Variants in C11orf65 observed in about 807,000 individuals in gnomAD.
The protein encoded by C11orf65 is protein MFI.
Under a neutral mutation model 35.3 loss-of-function variants are expected in C11orf65, and 38 were observed. That is an observed-to-expected ratio of 1.08 (90% CI 0.83 to 1.41). The LOEUF is 1.41. Ranked by LOEUF, C11orf65 falls within the 40% of genes most tolerant of loss-of-function variation. The pLI is 0.00. For missense variants in C11orf65, 370 were observed against 367.1 expected (o/e 1.01, Z -0.06); for synonymous variants, 105 against 114.4 (o/e 0.92, Z 0.53).
intron 2 of C11orf65, among the ~76,000 whole-genome samples, chr11:108,369,914 G>A (rs1287157863): frequency 6.6e-6 from 1 of 152,104 alleles, no homozygotes; most frequent in South Asian, 2.1e-4. Flanking sequence ...TTTCTCTGAT[G>A]AACTGCCTGT....
intron 7 of C11orf65, 137 bp downstream of exon 7, chr11:108,393,071 G>A (rs1256733724): frequency 1.1e-6 from 1 of 910,580 alleles, no homozygotes; most frequent in East Asian, 2.6e-5. Flanking sequence ...GTTCTTTCTA[G>A]ACAAATAATA....
chr11:108,309,026 T>G, exon 7 of C11orf65: 2 of 1,526,744 alleles, frequency 1.3e-6, no homozygotes, highest in Non-Finnish European at 1.8e-6. Flanking sequence ...AGATAAAAAT[T>G]CTTCATATTC....
chr11:108,362,332 C>T (rs1296143191), intron 2 of C11orf65, among the ~76,000 whole-genome samples: 9 of 151,360 alleles, frequency 5.9e-5, no homozygotes, highest in East Asian at 3.9e-4. Flanking sequence ...GAAATAGGAA[C>T]CCTTTTACAC....
At chr11:108,434,787 T>A (rs1225038825) in intron 2 of C11orf65, among the ~76,000 whole-genome samples, 1 of 152,242 alleles carries the variant, frequency 6.6e-6, no homozygotes, top group Non-Finnish European at 1.5e-5. Flanking sequence ...AAAAACCTTC[T>A]GTGTACTTTG....
intron 2 of C11orf65, among the ~76,000 whole-genome samples, chr11:108,373,972 GA>G (rs1452276443): frequency 2.0e-5 from 3 of 152,242 alleles, no homozygotes; most frequent in Non-Finnish European, 2.9e-5. Context: ...GAGGCTGGCG[GA>G]GGGGCACCCG....
At chr11:108,343,318 A>C (rs1193190422) in intron 2 of C11orf65, 2 of 1,614,090 alleles carry the variant, frequency 1.2e-6, no homozygotes, top group Middle Eastern at 1.7e-4. Flanking sequence ...TGGTGCTCAT[A>C]AAAGATACAG....
At chr11:108,369,329 G>C (rs2091478808) in intron 2 of C11orf65, among the ~76,000 whole-genome samples, 1 of 152,110 alleles carries the variant, frequency 6.6e-6, no homozygotes, top group Non-Finnish European at 1.5e-5. Context: ...GTGTTTCTTA[G>C]TCGCCTCCTG....
intron 2 of C11orf65, among the ~76,000 whole-genome samples, chr11:108,447,439 A>G (rs1487833851): frequency 3.3e-5 from 5 of 152,210 alleles, no homozygotes; most frequent in Non-Finnish European, 7.3e-5. Flanking sequence ...ACTGTCTCTC[A>G]GACCACAGTG....
intron 3 of C11orf65, among the ~76,000 whole-genome samples, chr11:108,417,217 A>C (rs1347032112): frequency 6.6e-6 from 1 of 152,160 alleles, no homozygotes; most frequent in Non-Finnish European, 1.5e-5. Flanking sequence ...AAAGACAAAG[A>C]GTATCCTACT....
chr11:108,408,026 T>TATTA (rs1248136075), intron 3 of C11orf65, among the ~76,000 whole-genome samples: 3 of 146,964 alleles, frequency 2.0e-5, no homozygotes, highest in Admixed American at 2.0e-4. Context: ...TTATTATTAT[T>TATTA]ATTTTATTAT....
At chr11:108,409,023 TA>T (rs1444868356) in intron 3 of C11orf65, among the ~76,000 whole-genome samples, 1 of 152,156 alleles carries the variant, frequency 6.6e-6, no homozygotes, top group Non-Finnish European at 1.5e-5. Context: ...TAATAATATA[TA>T]CACATTTTTT....
At chr11:108,328,846 G>T (rs753554239), downstream of C11orf65, among the ~76,000 whole-genome samples, 7 of 152,322 alleles carry the variant, frequency 4.6e-5, no homozygotes, top group Non-Finnish European at 8.8e-5. Flanking sequence ...AAGCCGTCCT[G>T]GGCCACATGC....
At chr11:108,344,947 G>A (rs1200272395) in intron 2 of C11orf65, among the ~76,000 whole-genome samples, 2 of 151,916 alleles carry the variant, frequency 1.3e-5, no homozygotes, top group East Asian at 3.9e-4. Context: ...AAATTGCAGT[G>A]AGCTGTGATC....
chr11:108,414,093 C>T (rs1259770115), intron 3 of C11orf65, among the ~76,000 whole-genome samples: 1 of 151,446 alleles, frequency 6.6e-6, no homozygotes, highest in East Asian at 1.9e-4. Flanking sequence ...AAATTGATAA[C>T]AAGAAATCTA....
Position 108,326,238 on chromosome 11 carries a change from T to G in C11orf65, c.641-17167A>C. ...CAGCTGTGCAGCGGTTTGTTTTTTT[T>G]ATTGGCTGGATTAGTGTTTTACTGT... On this transcript the variant is annotated intron_variant, in intron 6 of 6. Coordinates refer to the C11orf65 transcript ENST00000525729. 6.2e-7 allele frequency: 1 copy of G among 1,614,090 alleles called. No individual in the cohort carries two copies. The highest frequency in any genetic ancestry group is 8.5e-7 in the Non-Finnish European group (1 of 1,180,006).
intron 5 of C11orf65, 44 bp from the exon 6 acceptor site, chr11:108,405,603 A>T (rs755592293): frequency 6.3e-7 from 1 of 1,593,358 alleles, no homozygotes; most frequent in Admixed American, 1.7e-5. Context: ...TGAAATATCG[A>T]TTGTGAGGTT....
intron 6 of C11orf65, among the ~76,000 whole-genome samples, chr11:108,320,781 G>GT (rs1463748532): frequency 6.6e-6 from 1 of 152,160 alleles, no homozygotes; most frequent in Non-Finnish European, 1.5e-5. Flanking sequence ...ATTTGAAAAT[G>GT]TGAGTATTAC....
rs190023130 is a variant in C11orf65, at chr11:108,365,780, G to A, written c.226+27428C>T. On this transcript the variant is annotated intron_variant, in intron 2 of 3. Coordinates refer to the C11orf65 transcript ENST00000524755. The stretch of plus-strand genomic sequence containing the variant: ...TGTAATCCCAGCACTTTGGGAGGCC[G>A]AGGTGAGCGGATCACAAGGTCAGGA... 370 of 441,836 alleles carry A rather than the reference G, an allele frequency of 8.4e-4. 2 individuals are homozygous for A. In the East Asian group the frequency reaches 0.013, roughly 16 times the overall value. 27.4% of individuals were successfully genotyped at this position (441,836 alleles called of 1,614,324 possible).
intron 7 of C11orf65, 109 bp downstream of exon 7, chr11:108,393,099 T>C (rs2092205498): frequency 1.6e-6 from 2 of 1,254,636 alleles, no homozygotes; most frequent in Non-Finnish European, 1.1e-6. Flanking sequence ...GGGTTTTTTT[T>C]TTCTTTGAAG....
Sources: gnomAD v4.1 joint callset for allele counts (sites outside exome capture counted in the v4.1 genomes callset) on GRCh38, gnomAD v4.1.1 for gene constraint, MANE v1.5 for transcripts, NCBI Gene and HGNC (gene_info 2026-07-23, HGNC 2026-07-21) for gene names.